Variants in NEBL observed in about 807,000 individuals in gnomAD.
NEBL encodes the protein LIM and SH3 protein 2.
A neutral mutation model predicts 140.2 loss-of-function variants in NEBL; 122 were observed. The ratio of observed to expected loss-of-function variants is 0.87; its 90% CI spans 0.75 to 1.01. The LOEUF is 1.01. NEBL is among the 50% of genes least tolerant of loss of function. The pLI is 0.00. For missense variants in NEBL, 1,365 were observed against 1,231.3 expected (o/e 1.11, Z -1.62); for synonymous variants, 436 against 398.9 (o/e 1.09, Z -1.11).
In NEBL at chr10:20,906,731, A is replaced by G. The variant is rs954125990; in HGVS notation, c.357+54941T>C. 7.2e-5 allele frequency among the ~76,000 whole-genome samples: 11 copies of G among 152,224 alleles called. No individual in the cohort carries two copies. The East Asian group carries it at 1.5e-3, about 21-fold the overall frequency. On this transcript the variant is annotated intron_variant, in intron 4 of 6. Transcript: ENST00000417816. ...ATGAAGATGGACATGAATGAATTAT[A>G]ACAAATATAATTCAACAAATTTTAC...
intron 3 of NEBL, among the ~76,000 whole-genome samples, chr10:20,995,754 T>C (rs1837642118): frequency 6.6e-6 from 1 of 152,160 alleles, no homozygotes; most frequent in South Asian, 2.1e-4. Context: ...TCACACATGC[T>C]GAAGCTGACG....
chr10:21,080,575 A>G (rs1012478759), intron 2 of NEBL, among the ~76,000 whole-genome samples: 2 of 152,228 alleles, frequency 1.3e-5, no homozygotes, highest in African/African-American at 4.8e-5. Flanking sequence ...ATAAGCATAT[A>G]CATAAATCAT....
intron 9 of NEBL, among the ~76,000 whole-genome samples, chr10:20,857,845 T>C (rs972611982): frequency 2.0e-5 from 3 of 152,104 alleles, no homozygotes; most frequent in Admixed American, 6.5e-5. Context: ...ACTAAGACAA[T>C]TTTTCATGCT....
At chr10:21,014,956 A>G (rs1036245124) in intron 3 of NEBL, among the ~76,000 whole-genome samples, 1 of 152,236 alleles carries the variant, frequency 6.6e-6, no homozygotes, top group Admixed American at 6.5e-5. Context: ...TACAAAAGAA[A>G]GACTCAAAGG....
chr10:21,202,681 C>T (rs1380093085), intron 3 of NEBL, among the ~76,000 whole-genome samples: 1 of 151,924 alleles, frequency 6.6e-6, no homozygotes, highest in East Asian at 1.9e-4. Context: ...CCAGGATGGT[C>T]TCGATTTCCT....
chr10:20,900,982 C>A (rs1847847045), upstream of NEBL, among the ~76,000 whole-genome samples: 2 of 152,050 alleles, frequency 1.3e-5, no homozygotes, highest in Admixed American at 1.3e-4. Flanking sequence ...CGCGCCACTG[C>A]ACTCCAGCCT....
At chr10:20,852,516 G>C (rs767114510) in intron 10 of NEBL, 29 bp downstream of exon 10, 3 of 1,514,828 alleles carry the variant, frequency 2.0e-6, no homozygotes, top group Non-Finnish European at 2.7e-6. Flanking sequence ...CTGGCAGGGA[G>C]GGTAGGTACC....
At chr10:20,999,796 T>G (rs1292208723) in intron 3 of NEBL, among the ~76,000 whole-genome samples, 2 of 152,160 alleles carry the variant, frequency 1.3e-5, no homozygotes, top group Non-Finnish European at 2.9e-5. Flanking sequence ...CCTGTCGTAT[T>G]TCTTCAAACA....
intron 3 of NEBL, among the ~76,000 whole-genome samples, chr10:21,235,018 G>T (rs1315659163): frequency 6.6e-6 from 1 of 152,220 alleles, no homozygotes; most frequent in Admixed American, 6.5e-5. Flanking sequence ...AAAGTAGCCA[G>T]GCGTGGTGGC....
At chr10:20,922,666 T>C (rs145632977) in intron 4 of NEBL, among the ~76,000 whole-genome samples, 33 of 152,330 alleles carry the variant, frequency 2.2e-4, no homozygotes, top group African/African-American at 7.9e-4. Flanking sequence ...CTTATAAATA[T>C]AGGCAGAGTC....
intron 2 of NEBL, among the ~76,000 whole-genome samples, chr10:21,104,507 G>A (rs1837621005): frequency 6.6e-6 from 1 of 152,036 alleles, no homozygotes; most frequent in African/African-American, 2.4e-5. Flanking sequence ...AAATTGTATT[G>A]TTTTCAGTTT....
At chr10:20,832,798 T>C (rs987675811) in intron 14 of NEBL, among the ~76,000 whole-genome samples, 9 of 152,196 alleles carry the variant, frequency 5.9e-5, no homozygotes, top group Non-Finnish European at 1.2e-4. Context: ...CCTCCTATCT[T>C]CCACTCATAA....
chr10:21,045,014 C>A (rs1362572146), intron 2 of NEBL, among the ~76,000 whole-genome samples: 2 of 152,210 alleles, frequency 1.3e-5, no homozygotes, highest in Non-Finnish European at 2.9e-5. Context: ...TACAGGCATT[C>A]TCAGAAGAAC....
chr10:21,093,086 T>G (rs1360075301), intron 2 of NEBL, among the ~76,000 whole-genome samples: 1 of 150,832 alleles, frequency 6.6e-6, no homozygotes, highest in Non-Finnish European at 1.5e-5. Flanking sequence ...GCTTCTTGCG[T>G]ATCTACCAAG....
At chr10:20,934,657 G>C (rs1834381784) in intron 4 of NEBL, among the ~76,000 whole-genome samples, 1 of 152,118 alleles carries the variant, frequency 6.6e-6, no homozygotes, top group Non-Finnish European at 1.5e-5. Context: ...AAGGGGCCTG[G>C]ATCCCTGAAT....
At chr10:20,899,012 G>C (rs2080690983), upstream of NEBL, among the ~76,000 whole-genome samples, 1 of 152,140 alleles carries the variant, frequency 6.6e-6, no homozygotes, top group African/African-American at 2.4e-5. Context: ...ATTGCCTCAA[G>C]CATGCTGAAC....
At chr10:21,235,943 G>C (rs140294418) in intron 3 of NEBL, among the ~76,000 whole-genome samples, 1 of 152,226 alleles carries the variant, frequency 6.6e-6, no homozygotes, top group African/African-American at 2.4e-5. Context: ...ATTACAAAAT[G>C]GAAAAGAAAC....
chr10:20,941,401 T>C (rs1267030187), intron 4 of NEBL, among the ~76,000 whole-genome samples: 1 of 152,118 alleles, frequency 6.6e-6, no homozygotes, highest in East Asian at 1.9e-4. Context: ...TGCTAAAAAC[T>C]CTCAATCAAT....
chr10:21,218,438 T>A (rs1234662663), intron 3 of NEBL, among the ~76,000 whole-genome samples: 3 of 151,404 alleles, frequency 2.0e-5, no homozygotes, highest in Non-Finnish European at 2.9e-5. Context: ...AGACTCTATG[T>A]GATGGTGTGT....
Sources: allele counts gnomAD v4.1 joint callset (sites outside exome capture counted in the v4.1 genomes callset), GRCh38; gene constraint gnomAD v4.1.1; transcripts MANE v1.5; gene names NCBI Gene and HGNC (gene_info 2026-07-23, HGNC 2026-07-21).